NR3C2: variants seen among roughly 807,000 people sequenced by gnomAD.
NR3C2 encodes the protein mineralocorticoid receptor.
A neutral mutation model predicts 86.4 loss-of-function variants in NR3C2; 15 were observed. The ratio of observed to expected loss-of-function variants is 0.17; its 90% CI spans 0.12 to 0.27. The LOEUF (loss-of-function observed/expected upper bound fraction) is 0.27, where lower values mean the gene tolerates loss of function less well. Ranked by LOEUF, NR3C2 falls within the 10% of genes least tolerant of loss-of-function variation. The pLI is 1.00. For synonymous variants in NR3C2, 458 were observed against 450.5 expected, an observed-to-expected ratio of 1.02 and a Z score of -0.21; for missense variants, 960 against 1,195.6, an observed-to-expected ratio of 0.80 and a Z score of 2.91.
upstream of NR3C2, among the ~76,000 whole-genome samples, chr4:148,443,254 A>G (rs928464024): frequency 2.2e-4 from 29 of 130,950 alleles, no homozygotes; most frequent in East Asian, 5.3e-3. Context: ...AAAAAAAAAA[A>G]GAGAGAGAGA....
intron 2 of NR3C2, among the ~76,000 whole-genome samples, chr4:148,289,680 T>G (rs752409675): frequency 6.6e-6 from 1 of 152,144 alleles, no homozygotes; most frequent in Non-Finnish European, 1.5e-5. Context: ...GGCCGAGAGA[T>G]TCATTTCTAA....
intron 7 of NR3C2, among the ~76,000 whole-genome samples, chr4:148,114,613 T>G (rs1481608181): frequency 6.6e-6 from 1 of 152,008 alleles, no homozygotes; most frequent in Non-Finnish European, 1.5e-5. Flanking sequence ...AGAGAAGGGG[T>G]GGTATTCAAC....
Position 148,130,296 on chromosome 4 carries a change from A to T in NR3C2, c.2511-10008T>A, listed in dbSNP as rs1024434009. 2.0e-5 allele frequency among the ~76,000 whole-genome samples: 3 copies of T among 152,208 alleles called. No individual in the cohort carries two copies. In the East Asian group the frequency reaches 5.8e-4, roughly 29 times the overall value. ...TAATCCTTTCACATCAGCCGATTTTATAAATGCCAAAGCACAAAAGCTTCC... is the reference window on the plus strand; with the variant it reads ...TAATCCTTTCACATCAGCCGATTTTTTAAATGCCAAAGCACAAAAGCTTCC... On this transcript the variant is annotated intron_variant, in intron 6 of 8. Coordinates refer to ENST00000358102, the MANE Select transcript of NR3C2 (RefSeq NM_000901.5).
chr4:148,418,815 G>A (rs545486440), intron 2 of NR3C2, among the ~76,000 whole-genome samples: 4 of 152,300 alleles, frequency 2.6e-5, no homozygotes, highest in Non-Finnish European at 5.9e-5. Context: ...GAGGTGGAAG[G>A]AAACTCATTC....
chr4:148,171,168 T>C (rs1025683912), intron 4 of NR3C2, among the ~76,000 whole-genome samples: 38 of 152,230 alleles, frequency 2.5e-4, no homozygotes, highest in African/African-American at 8.4e-4. Context: ...TCCCCAAGCG[T>C]CGACTTCCTG....
chr4:148,341,146 C>T (rs1444325528), intron 2 of NR3C2, among the ~76,000 whole-genome samples: 2 of 152,068 alleles, frequency 1.3e-5, no homozygotes, highest in Non-Finnish European at 2.9e-5. Context: ...ATCTGCACTC[C>T]CATATTTATT....
chr4:148,277,252 GCAATATTAAGAT>G, intron 2 of NR3C2, among the ~76,000 whole-genome samples: 1 of 152,084 alleles, frequency 6.6e-6, no homozygotes, highest in African/African-American at 2.4e-5. Context: ...CTGTTACTTT[GCAATATTAAGAT>G]AACGAATACC....
At chr4:148,443,757 C>T (rs942376889), upstream of NR3C2, among the ~76,000 whole-genome samples, 4 of 152,054 alleles carry the variant, frequency 2.6e-5, no homozygotes, top group African/African-American at 9.7e-5. Context: ...CCGCCTCACC[C>T]TCGCTTCGCG....
chr4:148,267,692 T>A (rs143276170), intron 2 of NR3C2, among the ~76,000 whole-genome samples: 1 of 152,256 alleles, frequency 6.6e-6, no homozygotes. Flanking sequence ...AACAGCCACA[T>A]TATATCATTA....
intron 4 of NR3C2, among the ~76,000 whole-genome samples, chr4:148,158,448 G>A (rs1224840744): frequency 6.6e-6 from 1 of 152,146 alleles, no homozygotes; most frequent in Non-Finnish European, 1.5e-5. Context: ...AGAACTAAAT[G>A]GGTATGACAA....
chr4:148,313,191 G>A (rs955741897), intron 2 of NR3C2, among the ~76,000 whole-genome samples: 8 of 152,100 alleles, frequency 5.3e-5, no homozygotes, highest in Non-Finnish European at 1.0e-4. Context: ...GTCCAACAGC[G>A]TTCCTCCTGT....
upstream of NR3C2, chr4:148,444,598 G>C (rs1579307226): frequency 1.0e-6 from 1 of 988,566 alleles, no homozygotes; most frequent in Non-Finnish European, 1.2e-6. Flanking sequence ...CGCTGCTGCC[G>C]CCGCCACCAG....
intron 6 of NR3C2, among the ~76,000 whole-genome samples, chr4:148,137,843 G>A (rs899126610): frequency 6.6e-6 from 1 of 152,070 alleles, no homozygotes; most frequent in Non-Finnish European, 1.5e-5. Context: ...AAGAGAGAAT[G>A]CCATATTAAA....
At chr4:148,262,674 A>C (rs1740182154) in intron 2 of NR3C2, among the ~76,000 whole-genome samples, 2 of 152,124 alleles carry the variant, frequency 1.3e-5, no homozygotes, top group African/African-American at 2.4e-5. Context: ...AGTTAAGATG[A>C]GGTCATACTG....
chr4:148,096,439 T>G (rs1302029720), intron 8 of NR3C2, among the ~76,000 whole-genome samples: 1 of 152,156 alleles, frequency 6.6e-6, no homozygotes, highest in East Asian at 1.9e-4. Flanking sequence ...ATTAGGCAGT[T>G]AAATCCTTAC....
At position 148,079,109 on chromosome 4, in the gene NR3C2, TTAAG is replaced by T. The variant is rs1378411483; in HGVS notation, c.*2231_*2234del. 3.3e-5 allele frequency: 5 copies of T among 152,518 alleles called. No homozygotes were observed. Among genetic ancestry groups the T allele is most frequent in the Non-Finnish European group, 2.9e-5 (2 of 68,026 alleles). The allele number at this position is 152,518 out of a possible 1,614,324, so 9.4% of individuals were successfully genotyped here. On this transcript the variant is annotated 3_prime_UTR_variant, in exon 9 of 9. Coordinates refer to ENST00000358102, the MANE Select transcript of NR3C2 (RefSeq NM_000901.5). ...CAGACCATCTCCATCCCAAACCTGG[TTAAG>T]TAAGTCAGAATTCCCATTTTATAAA...
chr4:148,345,208 CA>C (rs1744929917), intron 2 of NR3C2, among the ~76,000 whole-genome samples: 1 of 151,888 alleles, frequency 6.6e-6, no homozygotes, highest in Non-Finnish European at 1.5e-5. Flanking sequence ...AAATGTGTAA[CA>C]AATGAGACCT....
At chr4:148,324,143 G>A (rs990597159) in intron 2 of NR3C2, among the ~76,000 whole-genome samples, 2 of 152,070 alleles carry the variant, frequency 1.3e-5, no homozygotes, top group Admixed American at 1.3e-4. Context: ...ATCAACCTGA[G>A]AAAGACTATA....
Position 148,134,643 on chromosome 4 carries a change from CTT to C in NR3C2, c.2511-14357_2511-14356del, listed in dbSNP as rs1175816621. Among the ~76,000 whole-genome samples the C allele has an allele frequency of 3.8e-3, 157 of 40,796 alleles. 4 individuals are homozygous for C. Among genetic ancestry groups the C allele is most frequent in the African/African-American group, 9.4e-3 (111 of 11,766 alleles). The allele number at this position is 40,796 out of a possible 152,430, so 26.8% of individuals were successfully genotyped here. A position where few individuals can be genotyped will look rare whatever the true frequency, so the allele number is the denominator to read the frequency against. Reference sequence around the variant, plus strand: ...CCTGTGATTCTCTCTCTCTCTCTCTCTTTTTTTTTTTTTTTTTTTTTTTTAGA... The same window carrying C: ...CCTGTGATTCTCTCTCTCTCTCTCTCTTTTTTTTTTTTTTTTTTTTTTAGA... On this transcript the variant is annotated intron_variant, in intron 6 of 8. Coordinates refer to ENST00000358102, the MANE Select transcript of NR3C2 (RefSeq NM_000901.5).
Sources: gnomAD v4.1 joint callset for allele counts (sites outside exome capture counted in the v4.1 genomes callset) on GRCh38, gnomAD v4.1.1 for gene constraint, MANE v1.5 for transcripts, NCBI Gene and HGNC (gene_info 2026-07-23, HGNC 2026-07-21) for gene names.